TLK1: variants seen among roughly 807,000 people sequenced by gnomAD.
The protein encoded by TLK1 is serine/threonine-protein kinase tousled-like 1.
In TLK1, 24 loss-of-function variants were observed where a neutral mutation model predicts 105.3. That is an observed-to-expected ratio of 0.23 (90% CI 0.17 to 0.32). The LOEUF is 0.32. Ranked by LOEUF, TLK1 falls within the 10% of genes least tolerant of loss-of-function variation. TLK1 has a pLI of 1.00. For missense variants in TLK1, 558 were observed against 910.5 expected (o/e 0.61, Z 4.98); for synonymous variants, 321 against 310.4 (o/e 1.03, Z -0.36).
intron 1 of TLK1, among the ~76,000 whole-genome samples, chr2:171,202,979 T>C (rs995423199): frequency 1.3e-5 from 2 of 152,154 alleles, no homozygotes; most frequent in African/African-American, 4.8e-5. Context: ...GGAAATTTGA[T>C]GTAAACAATG....
intron 12 of TLK1, among the ~76,000 whole-genome samples, chr2:171,019,213 T>C (rs1685356535): frequency 6.6e-6 from 1 of 152,234 alleles, no homozygotes; most frequent in Admixed American, 6.5e-5. Flanking sequence ...TTTCTATTTG[T>C]AATCAAAGTC....
chr2:171,115,299 G>A (rs1690371310), intron 2 of TLK1, among the ~76,000 whole-genome samples: 1 of 150,894 alleles, frequency 6.6e-6, no homozygotes, highest in Non-Finnish European at 1.5e-5. Context: ...AGCCTCCCGA[G>A]TAGCTAGGAT....
chr2:170,998,229 A>AC (rs1684177538), intron 18 of TLK1, among the ~76,000 whole-genome samples: 1 of 152,174 alleles, frequency 6.6e-6, no homozygotes, highest in South Asian at 2.1e-4. Flanking sequence ...AACTGTAGGC[A>AC]CTTCTCTCCC....
intron 1 of TLK1, among the ~76,000 whole-genome samples, chr2:171,143,470 C>CGACAGAGCAAGACACAG (rs1691666816): frequency 9.0e-6 from 1 of 111,714 alleles, no homozygotes; most frequent in Non-Finnish European, 1.7e-5. Context: ...CACACCACTG[C>CGACAGAGCAAGACACAG]ACTCCAGACT....
Position 170,993,728 on chromosome 2 carries a change from A to C in TLK1, c.*52T>G. 1 of 1,367,508 alleles carries C rather than the reference A, an allele frequency of 7.3e-7. No homozygotes were observed. Among genetic ancestry groups the C allele is most frequent in the Non-Finnish European group, 9.7e-7 (1 of 1,027,556 alleles). The allele number at this position is 1,367,508 out of a possible 1,614,324, so 84.7% of individuals were successfully genotyped here. ...AAACACTCAAATGCTCTCAAACTTAAGTGTGCATCTGGAAGCAAATTCAAA... is the reference window on the plus strand; with the variant it reads ...AAACACTCAAATGCTCTCAAACTTACGTGTGCATCTGGAAGCAAATTCAAA... On this transcript the variant is annotated 3_prime_UTR_variant, in exon 21 of 21. Transcript: ENST00000431350.
intron 10 of TLK1, among the ~76,000 whole-genome samples, chr2:171,047,673 A>G (rs977771092): frequency 1.3e-5 from 2 of 152,244 alleles, no homozygotes; most frequent in African/African-American, 4.8e-5. Flanking sequence ...ATTTTAGGGC[A>G]CAATCAAGAT....
intron 1 of TLK1, among the ~76,000 whole-genome samples, chr2:171,127,505 C>T (rs1184589972): frequency 1.3e-5 from 2 of 151,992 alleles, no homozygotes; most frequent in African/African-American, 4.8e-5. Flanking sequence ...ACCAAATATT[C>T]TAATTTTTTG....
intron 1 of TLK1, among the ~76,000 whole-genome samples, chr2:171,144,980 A>G (rs1268435046): frequency 1.3e-5 from 2 of 152,208 alleles, no homozygotes; most frequent in Non-Finnish European, 2.9e-5. Flanking sequence ...AAACATCCTT[A>G]GTCATCAGGG....
chr2:171,200,435 A>C (rs910047537), intron 1 of TLK1, among the ~76,000 whole-genome samples: 4 of 152,232 alleles, frequency 2.6e-5, no homozygotes, highest in African/African-American at 7.2e-5. Flanking sequence ...TTGAACTGTT[A>C]GAATGACTTG....
intron 2 of TLK1, among the ~76,000 whole-genome samples, chr2:171,114,450 C>T (rs912299714): frequency 1.3e-5 from 2 of 152,092 alleles, no homozygotes; most frequent in Admixed American, 6.5e-5. Context: ...CAGAGGGAGA[C>T]GTGACTTTGG....
At chr2:171,027,120 TTCCAAAACA>T in intron 12 of TLK1, among the ~76,000 whole-genome samples, 1 of 152,238 alleles carries the variant, frequency 6.6e-6, no homozygotes. Flanking sequence ...TTAATAACAT[TTCCAAAACA>T]AATTAGTATG....
chr2:171,172,566 G>A (rs964870294), intron 1 of TLK1, among the ~76,000 whole-genome samples: 3 of 152,130 alleles, frequency 2.0e-5, no homozygotes, highest in Non-Finnish European at 4.4e-5. Context: ...GGCCTGGTGG[G>A]AGGTGATTGG....
chr2:170,997,248 G>A (rs899184102), intron 19 of TLK1, among the ~76,000 whole-genome samples: 5 of 152,156 alleles, frequency 3.3e-5, no homozygotes, highest in African/African-American at 1.2e-4. Flanking sequence ...ATGTGGGCTA[G>A]TTAATATTTA....
intron 12 of TLK1, among the ~76,000 whole-genome samples, chr2:171,019,413 T>TA (rs1685370660): frequency 6.6e-6 from 1 of 152,178 alleles, no homozygotes; most frequent in South Asian, 2.1e-4. Context: ...ATAATGGCAT[T>TA]TTTTTCAAAA....
intron 2 of TLK1, among the ~76,000 whole-genome samples, chr2:171,094,900 G>T (rs1478374155): frequency 1.3e-5 from 2 of 152,068 alleles, no homozygotes; most frequent in African/African-American, 4.8e-5. Context: ...GAGCCACTGC[G>T]CCTGGCCTCA....
At chr2:171,174,511 A>G (rs962283683) in intron 1 of TLK1, among the ~76,000 whole-genome samples, 9 of 152,202 alleles carry the variant, frequency 5.9e-5, no homozygotes, top group Admixed American at 5.9e-4. Context: ...ATTATTATTT[A>G]ACATGCAATA....
chr2:171,127,455 G>A (rs1161866061), intron 1 of TLK1, among the ~76,000 whole-genome samples: 1 of 151,922 alleles, frequency 6.6e-6, no homozygotes, highest in Non-Finnish European at 1.5e-5. Flanking sequence ...GCTATACTAT[G>A]TTGCATTATT....
chr2:171,007,096 A>G, intron 14 of TLK1, 33 bp from the exon 15 acceptor site: 1 of 1,548,988 alleles, frequency 6.5e-7, no homozygotes, highest in Non-Finnish European at 8.7e-7. Context: ...ATTAAGATGA[A>G]AGACCAATTG....
chr2:171,154,694 C>G (rs1692168081), intron 1 of TLK1, among the ~76,000 whole-genome samples: 1 of 152,196 alleles, frequency 6.6e-6, no homozygotes, highest in Non-Finnish European at 1.5e-5. Context: ...GCTTCTACTA[C>G]TTCATAACAA....
Sources: allele counts gnomAD v4.1 joint callset (sites outside exome capture counted in the v4.1 genomes callset), GRCh38; gene constraint gnomAD v4.1.1; transcripts MANE v1.5; gene names NCBI Gene and HGNC (gene_info 2026-07-23, HGNC 2026-07-21).